Variants in TMPRSS15 observed in about 807,000 individuals in gnomAD.
The protein encoded by TMPRSS15 is enteropeptidase.
In TMPRSS15, 128 loss-of-function variants were observed where a neutral mutation model predicts 125.3. That is an observed-to-expected ratio of 1.02 (90% confidence interval 0.89 to 1.18). The LOEUF (loss-of-function observed/expected upper bound fraction) is 1.18, where lower values mean the gene tolerates loss of function less well. TMPRSS15 is among the 50% of genes most tolerant of loss of function. TMPRSS15 has a pLI of 0.00. For missense variants in TMPRSS15, 1,283 were observed against 1,212.7 expected, an observed-to-expected ratio of 1.06 and a Z score of -0.86; for synonymous variants, 446 against 423.2, an observed-to-expected ratio of 1.05 and a Z score of -0.66.
intron 1 of TMPRSS15, among the ~76,000 whole-genome samples, chr21:18,447,066 C>A (rs1020606989): frequency 2.0e-5 from 3 of 152,032 alleles, no homozygotes; most frequent in Non-Finnish European, 4.4e-5. Flanking sequence ...CATATATAAG[C>A]AACTCAAATA....
intron 6 of TMPRSS15, among the ~76,000 whole-genome samples, chr21:18,369,974 G>GAAAAAA (rs67549160): frequency 2.0e-4 from 28 of 141,932 alleles, no homozygotes; most frequent in Non-Finnish European, 2.7e-4. Flanking sequence ...TTACTTAAAC[G>GAAAAAA]AAAAAAAAAA....
intron 1 of TMPRSS15, among the ~76,000 whole-genome samples, chr21:18,412,723 C>CCTG (rs1002437186): frequency 2.5e-4 from 38 of 151,566 alleles, no homozygotes; most frequent in Middle Eastern, 3.4e-3. Context: ...GTCTAGTAAC[C>CCTG]CTGCTGCTGC....
At chr21:18,274,917 C>A (rs534355625) in intron 24 of TMPRSS15, among the ~76,000 whole-genome samples, 1 of 152,256 alleles carries the variant, frequency 6.6e-6, no homozygotes, top group African/African-American at 2.4e-5. Flanking sequence ...CTGGCTCAAC[C>A]CAGGTCCACT....
At chr21:18,449,692 A>C (rs980725792) in intron 1 of TMPRSS15, among the ~76,000 whole-genome samples, 10 of 152,030 alleles carry the variant, frequency 6.6e-5, no homozygotes, top group Non-Finnish European at 5.9e-5. Flanking sequence ...TATTATTATC[A>C]TTTCCTTTTT....
rs57033426 is a variant in TMPRSS15, at chr21:18,463,246, C to CAAAAAAAAAAAA, written c.10+22541_10+22552dup. Reference sequence around the variant, plus strand: ...GAATATTTACCAAGCAAATGGAAAGCAAAAAAAAAAAAAAAAAAAAAAAAA... The same window carrying CAAAAAAAAAAAA: ...GAATATTTACCAAGCAAATGGAAAGCAAAAAAAAAAAAAAAAAAAAAAAAAAAAAAAAAAAAA... On this transcript the variant is annotated intron_variant, in intron 1 of 7. Coordinates refer to the TMPRSS15 transcript ENST00000422787. Among the ~76,000 whole-genome samples, 6 of 11,520 alleles carry CAAAAAAAAAAAA rather than the reference C, an allele frequency of 5.2e-4. 1 individual carries two copies. The highest frequency in any genetic ancestry group is 6.8e-4 in the Non-Finnish European group (4 of 5,908). 7.6% of individuals were successfully genotyped at this position (11,520 alleles called of 152,430 possible).
intron 1 of TMPRSS15, among the ~76,000 whole-genome samples, chr21:18,409,561 T>C (rs1195798175): frequency 6.6e-6 from 1 of 152,094 alleles, no homozygotes; most frequent in African/African-American, 2.4e-5. Flanking sequence ...TTATATGCAA[T>C]GTTCAACTGT....
chr21:18,360,372 G>A (rs1162406034), intron 7 of TMPRSS15, among the ~76,000 whole-genome samples: 1 of 151,774 alleles, frequency 6.6e-6, no homozygotes, highest in Non-Finnish European at 1.5e-5. Context: ...TTTGTTTATT[G>A]TAACTAATGC....
At chr21:18,368,276 G>A (rs996172138) in intron 6 of TMPRSS15, among the ~76,000 whole-genome samples, 8 of 152,058 alleles carry the variant, frequency 5.3e-5, no homozygotes, top group Admixed American at 4.6e-4. Context: ...AGAAAGCCAT[G>A]TTACGTCTCT....
At chr21:18,402,359 C>T (rs936584717) in intron 1 of TMPRSS15, among the ~76,000 whole-genome samples, 7 of 151,804 alleles carry the variant, frequency 4.6e-5, no homozygotes, top group African/African-American at 1.7e-4. Context: ...TGAAACCCCA[C>T]CGCTACTAAA....
chr21:18,299,158 T>A (rs1477839694), intron 18 of TMPRSS15, among the ~76,000 whole-genome samples: 5 of 152,210 alleles, frequency 3.3e-5, no homozygotes, highest in Non-Finnish European at 5.9e-5. Flanking sequence ...TGTTAAAGAT[T>A]ATGCTATTCC....
Position 18,270,216 on chromosome 21 carries a change from AAATT to A in TMPRSS15, c.2905-96_2905-93del, listed in dbSNP as rs139507789. Reference sequence around the variant, plus strand: ...TTGTATCAAATAAATTAAAAAATAAAAATTAATTAAAAAATATGATTTAATTGCA... The same window carrying A: ...TTGTATCAAATAAATTAAAAAATAAAAATTAAAAAATATGATTTAATTGCA... On this transcript the variant is annotated intron_variant, in intron 24 of 24. Coordinates refer to ENST00000284885, the MANE Select transcript of TMPRSS15 (RefSeq NM_002772.3). 7,319 of 1,112,536 alleles carry A rather than the reference AAATT, an allele frequency of 6.6e-3. 323 individuals are homozygous for A. In the African/African-American group the frequency reaches 0.097, roughly 15 times the overall value. 68.9% of individuals were successfully genotyped at this position (1,112,536 alleles called of 1,614,324 possible).
chr21:18,362,098 G>A (rs939109735), intron 7 of TMPRSS15, among the ~76,000 whole-genome samples: 1 of 152,130 alleles, frequency 6.6e-6, no homozygotes, highest in Admixed American at 6.6e-5. Context: ...ACCACCGGCA[G>A]AGGTAAGGGG....
chr21:18,440,094 G>T (rs2076237468), intron 1 of TMPRSS15, among the ~76,000 whole-genome samples: 1 of 152,024 alleles, frequency 6.6e-6, no homozygotes, highest in Non-Finnish European at 1.5e-5. Context: ...TGTAGTGATG[G>T]CCGGGCGCGG....
At chr21:18,448,513 A>T (rs1397398175) in intron 1 of TMPRSS15, among the ~76,000 whole-genome samples, 5 of 152,134 alleles carry the variant, frequency 3.3e-5, no homozygotes, top group Admixed American at 6.5e-5. Flanking sequence ...AATAGATGAA[A>T]CACACTATAA....
intron 16 of TMPRSS15, among the ~76,000 whole-genome samples, chr21:18,319,535 TC>T: frequency 6.6e-6 from 1 of 151,772 alleles, no homozygotes; most frequent in Non-Finnish European, 1.5e-5. Flanking sequence ...TTCAAGTGAT[TC>T]TCCTGCCTCA....
At chr21:18,317,275 C>A (rs138294122) in intron 16 of TMPRSS15, among the ~76,000 whole-genome samples, 18 of 151,996 alleles carry the variant, frequency 1.2e-4, no homozygotes, top group African/African-American at 3.9e-4. Flanking sequence ...TACCATTACA[C>A]TTCTAAAGAG....
intron 1 of TMPRSS15, among the ~76,000 whole-genome samples, chr21:18,399,688 G>A (rs1292485813): frequency 6.6e-6 from 1 of 152,084 alleles, no homozygotes; most frequent in African/African-American, 2.4e-5. Context: ...TGTGACAATT[G>A]TACTGTGGAT....
intron 1 of TMPRSS15, 51 bp downstream of exon 1, chr21:18,403,427 T>C (rs1429366310): frequency 1.2e-6 from 2 of 1,612,396 alleles, no homozygotes; most frequent in Admixed American, 1.7e-5. Flanking sequence ...GACACTAAAG[T>C]GTGTACATTC....
In TMPRSS15 at chr21:18,403,749, CCAGT is replaced by C. The variant is rs2076119654; in HGVS notation, c.-131_-128del. The C allele has an allele frequency of 8.5e-7, 1 of 1,178,068 alleles. No individual in the cohort carries two copies. Among genetic ancestry groups the C allele is most frequent in the Non-Finnish European group, 1.2e-6 (1 of 813,876 alleles). The allele number at this position is 1,178,068 out of a possible 1,614,324, so 73.0% of individuals were successfully genotyped here. A position where few individuals can be genotyped will look rare whatever the true frequency, so the allele number is the denominator to read the frequency against. ...CAACAACCACCTGTCTACATGCATA[CCAGT>C]CAGTGTAAGTGAGTTGTGTATGTCT... On this transcript the variant is annotated 5_prime_UTR_variant, in exon 1 of 25. Transcript: ENST00000284885.
Sources: gnomAD v4.1 joint callset for allele counts (sites outside exome capture counted in the v4.1 genomes callset) on GRCh38, gnomAD v4.1.1 for gene constraint, MANE v1.5 for transcripts, NCBI Gene and HGNC (gene_info 2026-07-23, HGNC 2026-07-21) for gene names.